STPG2: variants seen among roughly 807,000 people sequenced by gnomAD.
The protein encoded by STPG2 is sperm-tail PG-rich repeat-containing protein 2.
STPG2 carries 56 observed loss-of-function variants against 54.2 expected under a neutral mutation model. That is an observed-to-expected ratio of 1.03 (90% CI 0.83 to 1.29). The LOEUF (loss-of-function observed/expected upper bound fraction) is 1.29, where lower values mean the gene tolerates loss of function less well. Ranked by LOEUF, STPG2 falls within the 50% of genes most tolerant of loss-of-function variation. The pLI, the probability that STPG2 is intolerant of heterozygous loss-of-function variation, is 0.00. For synonymous variants in STPG2, 200 were observed against 181.8 expected, an observed-to-expected ratio of 1.10 and a Z score of -0.81; for missense variants, 596 against 544.9, an observed-to-expected ratio of 1.09 and a Z score of -0.93.
rs186492124 is a variant in STPG2, at chr4:97,444,382, A to T, written c.463-256549T>A. Among the ~76,000 whole-genome samples, 4 of 152,262 alleles carry T rather than the reference A, an allele frequency of 2.6e-5. No individual in the cohort carries two copies. In the East Asian group the frequency reaches 7.7e-4, roughly 29 times the overall value. On this transcript the variant is annotated intron_variant, in intron 4 of 4. Transcript: ENST00000522676. ...GTAAAATTGACTTTTTTTAACGCAT[A>T]AAAAAGTTGTAAAAGCAGTCAGATA...
chr4:97,700,423 C>A (rs148393781), intron 10 of STPG2, among the ~76,000 whole-genome samples: 125 of 152,316 alleles, frequency 8.2e-4, no homozygotes, highest in African/African-American at 2.8e-3. Flanking sequence ...CATTCTGCCA[C>A]TTTCTTGGTT....
At chr4:98,062,117 TA>T (rs1553938079) in intron 5 of STPG2, among the ~76,000 whole-genome samples, 2 of 152,140 alleles carry the variant, frequency 1.3e-5, no homozygotes, top group Non-Finnish European at 2.9e-5. Flanking sequence ...TATGCAGCCA[TA>T]AAAAAGAACA....
intron 5 of STPG2, among the ~76,000 whole-genome samples, chr4:98,027,081 G>A (rs773211359): frequency 3.9e-5 from 6 of 152,098 alleles, no homozygotes; most frequent in Admixed American, 6.6e-5. Context: ...AGATGCAGAC[G>A]GCTCTTCCTT....
At chr4:97,607,095 C>T (rs1237978118) in intron 10 of STPG2, among the ~76,000 whole-genome samples, 6 of 151,910 alleles carry the variant, frequency 3.9e-5, no homozygotes, top group African/African-American at 1.4e-4. Context: ...TGAGATTTTC[C>T]TTTTAAAAAG....
At chr4:98,082,643 G>A (rs1047335627) in intron 5 of STPG2, among the ~76,000 whole-genome samples, 4 of 151,330 alleles carry the variant, frequency 2.6e-5, no homozygotes, top group South Asian at 2.1e-4. Flanking sequence ...TAGTAGAGAC[G>A]GGGTTTCGCC....
At chr4:97,715,040 G>C (rs534672343) in intron 9 of STPG2, among the ~76,000 whole-genome samples, 23 of 152,150 alleles carry the variant, frequency 1.5e-4, no homozygotes, top group Non-Finnish European at 2.8e-4. Context: ...ATTCCTTTGA[G>C]GAACATTAAG....
intron 4 of STPG2, among the ~76,000 whole-genome samples, chr4:98,108,615 C>G (rs933702596): frequency 2.0e-5 from 3 of 152,068 alleles, no homozygotes; most frequent in Admixed American, 6.6e-5. Context: ...GATCTTTTAT[C>G]TACTTTATAA....
chr4:97,717,066 G>A (rs1724312482), intron 9 of STPG2, among the ~76,000 whole-genome samples: 1 of 151,986 alleles, frequency 6.6e-6, no homozygotes, highest in Non-Finnish European at 1.5e-5. Flanking sequence ...CATCATCAAT[G>A]CCAGAGACAC....
At chr4:97,860,420 T>C (rs1283236070) in intron 8 of STPG2, among the ~76,000 whole-genome samples, 1 of 151,978 alleles carries the variant, frequency 6.6e-6, no homozygotes. Flanking sequence ...TGTTTTGTAG[T>C]TTACCTTGTA....
intron 8 of STPG2, among the ~76,000 whole-genome samples, chr4:97,908,589 A>G (rs1243923969): frequency 1.3e-5 from 2 of 152,048 alleles, no homozygotes; most frequent in African/African-American, 4.8e-5. Context: ...AGCATTATTC[A>G]CAATAGCAAA....
At chr4:97,542,504 AC>A (rs1186222653) in intron 4 of STPG2, among the ~76,000 whole-genome samples, 1 of 152,168 alleles carries the variant, frequency 6.6e-6, no homozygotes, top group Non-Finnish European at 1.5e-5. Flanking sequence ...AAATAGGAAC[AC>A]TTTTACACTG....
intron 5 of STPG2, among the ~76,000 whole-genome samples, chr4:98,028,815 A>G (rs747678441): frequency 1.1e-4 from 16 of 152,044 alleles, no homozygotes; most frequent in Non-Finnish European, 2.4e-4. Context: ...CTTTTCTAAT[A>G]TAAGCATTAA....
At chr4:98,103,930 T>G (rs1739118263) in intron 5 of STPG2, among the ~76,000 whole-genome samples, 1 of 152,174 alleles carries the variant, frequency 6.6e-6, no homozygotes, top group Admixed American at 6.5e-5. Context: ...CCATAATTTC[T>G]ATTACAAATT....
chr4:97,635,003 C>A (rs1176218854), intron 10 of STPG2, among the ~76,000 whole-genome samples: 5 of 152,132 alleles, frequency 3.3e-5, no homozygotes, highest in Non-Finnish European at 5.9e-5. Flanking sequence ...CACAAAGATA[C>A]TCCTCCAGAA....
chr4:97,761,263 C>A (rs1725880255), intron 9 of STPG2, among the ~76,000 whole-genome samples: 1 of 152,072 alleles, frequency 6.6e-6, no homozygotes, highest in Admixed American at 6.6e-5. Flanking sequence ...GATGAGCTTA[C>A]AGTGGGGTAA....
At chr4:97,939,815 T>C (rs888380433) in intron 8 of STPG2, among the ~76,000 whole-genome samples, 1 of 152,210 alleles carries the variant, frequency 6.6e-6, no homozygotes, top group African/African-American at 2.4e-5. Context: ...AAGTTAGTAT[T>C]GATATGAATG....
chr4:98,059,448 G>A (rs926484696), intron 5 of STPG2, among the ~76,000 whole-genome samples: 3 of 151,910 alleles, frequency 2.0e-5, no homozygotes, highest in African/African-American at 4.8e-5. Flanking sequence ...GTACCTGATG[G>A]ATTCACAGCC....
At chr4:97,634,900 A>G (rs1263522096) in intron 10 of STPG2, among the ~76,000 whole-genome samples, 1 of 152,138 alleles carries the variant, frequency 6.6e-6, no homozygotes, top group Non-Finnish European at 1.5e-5. Flanking sequence ...AATGGAACCA[A>G]GTTGGAAAAC....
At chr4:97,704,500 T>G (rs921984327) in intron 10 of STPG2, among the ~76,000 whole-genome samples, 2 of 152,090 alleles carry the variant, frequency 1.3e-5, no homozygotes, top group Non-Finnish European at 2.9e-5. Context: ...ACCTAGGAAG[T>G]TCAAAAGAAT....
Sources: gnomAD v4.1 joint callset for allele counts (sites outside exome capture counted in the v4.1 genomes callset) on GRCh38, gnomAD v4.1.1 for gene constraint, MANE v1.5 for transcripts, NCBI Gene and HGNC (gene_info 2026-07-23, HGNC 2026-07-21) for gene names.